AFG2A: variants seen among roughly 807,000 people sequenced by gnomAD.
AFG2A encodes AAA ATPase AFG2A.
the AFG2A span, among the ~76,000 whole-genome samples, chr4:123,224,112 G>A: frequency 3.3e-5 from 5 of 151,920 alleles, no homozygotes; most frequent in African/African-American, 1.2e-4. Context: ...TAAGATAAGG[G>A]TCCAATTTCA....
At chr4:123,233,928 A>G in the AFG2A span, among the ~76,000 whole-genome samples, 2 of 152,218 alleles carry the variant, frequency 1.3e-5, no homozygotes, top group East Asian at 1.9e-4. Context: ...GGTCTGCATT[A>G]GGTGATTAAT....
the AFG2A span, among the ~76,000 whole-genome samples, chr4:122,971,588 T>C: frequency 6.6e-6 from 1 of 152,242 alleles, no homozygotes; most frequent in Non-Finnish European, 1.5e-5. Context: ...ATAGGACCTC[T>C]GACAGTATTT....
chr4:122,935,698 C>A, the AFG2A span: 1 of 1,556,676 alleles, frequency 6.4e-7, no homozygotes, highest in South Asian at 1.3e-5. Context: ...CTAGTGTTTT[C>A]TACTTTTTCT....
the AFG2A span, among the ~76,000 whole-genome samples, chr4:123,078,544 A>C: frequency 6.6e-6 from 1 of 152,226 alleles, no homozygotes; most frequent in African/African-American, 2.4e-5. Context: ...GGATTTACGT[A>C]GGCTTAGTAG....
chr4:123,188,713 A>G, the AFG2A span, among the ~76,000 whole-genome samples: 1 of 152,192 alleles, frequency 6.6e-6, no homozygotes. Flanking sequence ...ATAAAAGATG[A>G]TTATTGTTTT....
the AFG2A span, among the ~76,000 whole-genome samples, chr4:123,299,339 G>A: frequency 6.6e-6 from 1 of 152,144 alleles, no homozygotes; most frequent in Non-Finnish European, 1.5e-5. Context: ...TTCATTTCCA[G>A]TTAGTTGCCA....
At chr4:123,081,609 T>C in the AFG2A span, among the ~76,000 whole-genome samples, 14 of 152,318 alleles carry the variant, frequency 9.2e-5, no homozygotes, top group African/African-American at 3.4e-4. Flanking sequence ...GTGCAAGTTT[T>C]TTGTGGATAT....
the AFG2A span, among the ~76,000 whole-genome samples, chr4:122,942,474 C>A: frequency 1.1e-4 from 16 of 150,236 alleles, no homozygotes; most frequent in African/African-American, 3.8e-4. Flanking sequence ...GGGATCGGTG[C>A]TGATATCCCC....
chr4:123,034,511 A>G, the AFG2A span, among the ~76,000 whole-genome samples: 1 of 150,828 alleles, frequency 6.6e-6, no homozygotes, highest in African/African-American at 2.4e-5. Flanking sequence ...CCAAGACAGT[A>G]CCCAAGGAAG....
the AFG2A span, among the ~76,000 whole-genome samples, chr4:123,225,351 A>T: frequency 3.9e-5 from 6 of 152,000 alleles, no homozygotes; most frequent in South Asian, 8.3e-4. Flanking sequence ...TAGGTCTAAC[A>T]TTTAAGTCTT....
At chr4:123,005,184 T>C in the AFG2A span, among the ~76,000 whole-genome samples, 1 of 152,114 alleles carries the variant, frequency 6.6e-6, no homozygotes, top group Non-Finnish European at 1.5e-5. Context: ...AGAGTCTCAC[T>C]CTGTTGGCCA....
At chr4:123,043,509 A>T in the AFG2A span, among the ~76,000 whole-genome samples, 1 of 152,210 alleles carries the variant, frequency 6.6e-6, no homozygotes, top group East Asian at 1.9e-4. Flanking sequence ...TAAAAAATAT[A>T]AACTTTATTT....
chr4:123,226,036 G>A, the AFG2A span, among the ~76,000 whole-genome samples: 3 of 152,090 alleles, frequency 2.0e-5, no homozygotes, highest in East Asian at 1.9e-4. Flanking sequence ...GTATAAGAAC[G>A]CTTGTGATTT....
At chr4:123,290,940 G>T in the AFG2A span, among the ~76,000 whole-genome samples, 1 of 152,082 alleles carries the variant, frequency 6.6e-6, no homozygotes, top group African/African-American at 2.4e-5. Context: ...CTTTTCTTAG[G>T]TCTAAGAGCA....
chr4:122,954,214 T>G, the AFG2A span, among the ~76,000 whole-genome samples: 9,398 of 152,166 alleles, frequency 0.062, 915 homozygotes, highest in African/African-American at 0.21. Context: ...GCATGCGATG[T>G]ATGCCATTCC....
chr4:122,963,697 A>G, the AFG2A span, among the ~76,000 whole-genome samples: 1 of 152,210 alleles, frequency 6.6e-6, no homozygotes. Context: ...GAAGAGAGAC[A>G]TTCTAGTGGT....
At chr4:123,048,502 G>T in the AFG2A span, among the ~76,000 whole-genome samples, 5 of 152,050 alleles carry the variant, frequency 3.3e-5, no homozygotes, top group African/African-American at 1.2e-4. Context: ...TGGGATATCT[G>T]TTCATTTTTT....
At chr4:123,273,069 A>G in the AFG2A span, among the ~76,000 whole-genome samples, 118 of 152,268 alleles carry the variant, frequency 7.7e-4, no homozygotes, top group East Asian at 0.015. Flanking sequence ...TATTATTCAG[A>G]AAGAAGTAAG....
chr4:123,046,304 A>C, the AFG2A span, among the ~76,000 whole-genome samples: 8,200 of 152,166 alleles, frequency 0.054, 527 homozygotes, highest in African/African-American at 0.16. Context: ...CTTGGCATTA[A>C]TTAATCGCAG....
Sources: gnomAD v4.1 joint callset for allele counts (sites outside exome capture counted in the v4.1 genomes callset) on GRCh38, gnomAD v4.1.1 for gene constraint, MANE v1.5 for transcripts, NCBI Gene and HGNC (gene_info 2026-07-23, HGNC 2026-07-21) for gene names.